The following CAMK1D variants were observed in gnomAD, a reference collection of about 807,000 sequenced individuals.
The protein encoded by CAMK1D is calcium/calmodulin dependent protein kinase ID.
In CAMK1D, 9 loss-of-function variants were observed where a neutral mutation model predicts 47.7. The ratio of observed to expected loss-of-function variants is 0.19; its 90% CI spans 0.11 to 0.33. CAMK1D has a LOEUF of 0.33. Among genes scored for constraint, CAMK1D ranks in the 10% least tolerant of loss-of-function variants. The pLI is 1.00. For missense variants in CAMK1D, 291 were observed against 488.7 expected, an observed-to-expected ratio of 0.60 and a Z score of 3.81; for synonymous variants, 184 against 184.9, an observed-to-expected ratio of 0.99 and a Z score of 0.04.
intron 3 of CAMK1D, among the ~76,000 whole-genome samples, chr10:12,741,500 TG>T (rs1835426280): frequency 6.6e-6 from 1 of 152,228 alleles, no homozygotes; most frequent in Admixed American, 6.5e-5. Context: ...AATTTTGTAT[TG>T]GCTACAGTCT....
intron 1 of CAMK1D, among the ~76,000 whole-genome samples, chr10:12,417,988 G>T (rs192186987): frequency 1.0e-3 from 155 of 152,208 alleles, no homozygotes; most frequent in African/African-American, 3.6e-3. Flanking sequence ...TTTTAGTAGA[G>T]ACGAGGTTTC....
intron 1 of CAMK1D, among the ~76,000 whole-genome samples, chr10:12,441,144 G>C (rs189848624): frequency 5.9e-5 from 9 of 152,244 alleles, no homozygotes; most frequent in Admixed American, 3.9e-4. Context: ...GTTTTTCCTG[G>C]GTTGTTTGGA....
chr10:12,734,631 C>T (rs1224144903), intron 3 of CAMK1D, among the ~76,000 whole-genome samples: 1 of 151,012 alleles, frequency 6.6e-6, no homozygotes, highest in Non-Finnish European at 1.5e-5. Context: ...GACTCTGATA[C>T]TAGAAAAATC....
At chr10:12,454,673 G>A (rs995450107) in intron 1 of CAMK1D, among the ~76,000 whole-genome samples, 4 of 151,540 alleles carry the variant, frequency 2.6e-5, no homozygotes, top group Admixed American at 2.6e-4. Flanking sequence ...GTGTTCCCCA[G>A]GCTGGTCTTG....
chr10:12,350,110 G>T (rs1213941768), intron 1 of CAMK1D, among the ~76,000 whole-genome samples, 200 bp downstream of exon 1: 1 of 151,932 alleles, frequency 6.6e-6, no homozygotes, highest in Non-Finnish European at 1.5e-5. Flanking sequence ...CGCCGTTCCC[G>T]GGAGGGGGAG....
intron 2 of CAMK1D, among the ~76,000 whole-genome samples, chr10:12,561,139 G>A (rs1388415442): frequency 1.3e-5 from 2 of 151,844 alleles, no homozygotes; most frequent in East Asian, 1.9e-4. Flanking sequence ...GATTGGTCTC[G>A]ATCTCCTGAC....
intron 2 of CAMK1D, among the ~76,000 whole-genome samples, chr10:12,606,447 C>T (rs1838464748): frequency 6.6e-6 from 1 of 152,192 alleles, no homozygotes; most frequent in South Asian, 2.1e-4. Context: ...GGCTTGGGCT[C>T]TGAGATCTGC....
intron 2 of CAMK1D, among the ~76,000 whole-genome samples, chr10:12,562,816 C>T (rs1471068439): frequency 6.6e-6 from 1 of 152,082 alleles, no homozygotes. Flanking sequence ...TAGCCCTGAA[C>T]TAAAGGCAAC....
At chr10:12,374,274 A>AG (rs1415532486) in intron 1 of CAMK1D, among the ~76,000 whole-genome samples, 2 of 150,874 alleles carry the variant, frequency 1.3e-5, no homozygotes, top group Non-Finnish European at 3.0e-5. Context: ...AAAAAAAAAA[A>AG]AAAAAAGAAA....
chr10:12,631,019 A>T (rs527662067), intron 2 of CAMK1D, among the ~76,000 whole-genome samples: 1 of 152,304 alleles, frequency 6.6e-6, no homozygotes, highest in Non-Finnish European at 1.5e-5. Flanking sequence ...TCAAGGGTGC[A>T]GCCTTTCCTT....
At chr10:12,548,598 G>A (rs1487159013) in intron 1 of CAMK1D, among the ~76,000 whole-genome samples, 1 of 151,366 alleles carries the variant, frequency 6.6e-6, no homozygotes, top group African/African-American at 2.4e-5. Flanking sequence ...CCAAGTAGCT[G>A]GTATGACAGG....
At chr10:12,763,686 T>C (rs1836611685) in intron 4 of CAMK1D, among the ~76,000 whole-genome samples, 1 of 152,204 alleles carries the variant, frequency 6.6e-6, no homozygotes. Context: ...AAATTGCCCC[T>C]AGTTGAGAAT....
intron 5 of CAMK1D, among the ~76,000 whole-genome samples, chr10:12,780,973 G>A (rs564158668): frequency 1.7e-3 from 254 of 152,314 alleles, no homozygotes; most frequent in Admixed American, 2.2e-3. Flanking sequence ...GCTCCTCTTC[G>A]TGGACCTGAC....
At chr10:12,639,658 G>A (rs1409649617) in intron 2 of CAMK1D, among the ~76,000 whole-genome samples, 1 of 152,048 alleles carries the variant, frequency 6.6e-6, no homozygotes, top group East Asian at 1.9e-4. Flanking sequence ...TTCAAGGAGA[G>A]CCTAATGTTT....
intron 8 of CAMK1D, among the ~76,000 whole-genome samples, chr10:12,820,001 TAGG>T: frequency 6.6e-6 from 1 of 152,102 alleles, no homozygotes; most frequent in Admixed American, 6.5e-5. Flanking sequence ...AAGATTGTGC[TAGG>T]AGGAGGGGCA....
chr10:12,581,145 T>G (rs550565641), intron 2 of CAMK1D, among the ~76,000 whole-genome samples: 3 of 152,302 alleles, frequency 2.0e-5, no homozygotes, highest in African/African-American at 7.2e-5. Flanking sequence ...GATGTTTGGT[T>G]TTCCATTCCT....
At chr10:12,647,400 C>T (rs111915495) in intron 2 of CAMK1D, among the ~76,000 whole-genome samples, 19,026 of 151,990 alleles carry the variant, frequency 0.13, 1,485 homozygotes, top group African/African-American at 0.22. Flanking sequence ...CCACGTGCCT[C>T]GGCCTCCCAA....
At chr10:12,666,970 G>A (rs1368363758) in intron 3 of CAMK1D, 160 bp downstream of exon 3, 10 of 625,560 alleles carry the variant, frequency 1.6e-5, no homozygotes, top group South Asian at 1.6e-4. Flanking sequence ...AACTAAAGAC[G>A]GTGGGCTGCA....
At chr10:12,500,783 A>G (rs902698767) in intron 1 of CAMK1D, among the ~76,000 whole-genome samples, 5 of 152,258 alleles carry the variant, frequency 3.3e-5, no homozygotes, top group Admixed American at 1.3e-4. Flanking sequence ...TTAGCAGTGA[A>G]GTACACAGGT....
Sources: gnomAD v4.1 joint callset for allele counts (sites outside exome capture counted in the v4.1 genomes callset) on GRCh38, gnomAD v4.1.1 for gene constraint, MANE v1.5 for transcripts, NCBI Gene and HGNC (gene_info 2026-07-23, HGNC 2026-07-21) for gene names.